TCERG1L: variants seen among roughly 807,000 people sequenced by gnomAD.
TCERG1L encodes the protein transcription elongation regulator 1-like protein.
TCERG1L carries 37 observed loss-of-function variants against 56.3 expected under a neutral mutation model. The ratio of observed to expected loss-of-function variants is 0.66; its 90% confidence interval spans 0.51 to 0.87. TCERG1L has a LOEUF of 0.87. Ranked by LOEUF, TCERG1L falls within the 40% of genes least tolerant of loss-of-function variation. The probability of loss-of-function intolerance (pLI) is 0.00; values close to 1 mark genes in which losing one functional copy is unlikely to be tolerated. For missense variants in TCERG1L, 799 were observed against 774.2 expected, an observed-to-expected ratio of 1.03 and a Z score of -0.38; for synonymous variants, 324 against 326.3, an observed-to-expected ratio of 0.99 and a Z score of 0.08.
chr10:131,299,614 G>A (rs1194867918), intron 3 of TCERG1L, among the ~76,000 whole-genome samples: 1 of 150,182 alleles, frequency 6.7e-6, no homozygotes, highest in Non-Finnish European at 1.5e-5. Context: ...GATGTCCTCT[G>A]TCAATTTGAG....
chr10:131,168,173 C>A (rs937795277), intron 4 of TCERG1L, among the ~76,000 whole-genome samples: 40 of 152,288 alleles, frequency 2.6e-4, no homozygotes, highest in African/African-American at 8.9e-4. Flanking sequence ...CACACAGGTG[C>A]GTATATGCAC....
At chr10:131,242,943 G>C (rs994639546) in intron 4 of TCERG1L, among the ~76,000 whole-genome samples, 1 of 152,190 alleles carries the variant, frequency 6.6e-6, no homozygotes, top group Admixed American at 6.5e-5. Flanking sequence ...TTAGGACTCA[G>C]AAAGTTGAAG....
rs117372267 is a variant in TCERG1L, at chr10:131,247,932, C to T, written c.856+12327G>A. ...CACACACACGCATACACACGACTCA[C>T]ACACAGGTAAACTCACATACACACA... is the stretch of plus-strand genomic sequence containing the variant. On this transcript the variant is annotated intron_variant, in intron 4 of 11. Coordinates refer to ENST00000368642, the MANE Select transcript of TCERG1L (RefSeq NM_174937.4). 1.1e-4 allele frequency among the ~76,000 whole-genome samples: 16 copies of T among 152,032 alleles called. No homozygotes were observed. The East Asian group carries it at 3.1e-3, about 29-fold the overall frequency.
chr10:131,106,597 G>T (rs976038949), intron 9 of TCERG1L, among the ~76,000 whole-genome samples: 3 of 152,142 alleles, frequency 2.0e-5, no homozygotes, highest in Admixed American at 6.5e-5. Context: ...GTGTAGGGCA[G>T]TCTGAGATGT....
intron 3 of TCERG1L, among the ~76,000 whole-genome samples, chr10:131,262,041 C>T (rs77598730): frequency 0.021 from 3,181 of 152,128 alleles, 73 homozygotes; most frequent in East Asian, 0.066. Flanking sequence ...GTGCAGTGTT[C>T]GAGGCACAGC....
chr10:131,162,586 T>C (rs1845990000), intron 6 of TCERG1L: 1 of 152,288 alleles, frequency 6.6e-6, no homozygotes, highest in Non-Finnish European at 1.5e-5. Flanking sequence ...ATCTTCAGGC[T>C]TGAAACTTAA....
At chr10:131,195,465 T>TCCACAGCAGG (rs1279417794) in intron 4 of TCERG1L, among the ~76,000 whole-genome samples, 2 of 152,178 alleles carry the variant, frequency 1.3e-5, no homozygotes, top group Admixed American at 1.3e-4. Flanking sequence ...CTGACGGCTA[T>TCCACAGCAGG]CCACAGCAGG....
chr10:131,195,328 G>T (rs745545591), intron 4 of TCERG1L, among the ~76,000 whole-genome samples: 7 of 152,162 alleles, frequency 4.6e-5, no homozygotes, highest in Non-Finnish European at 8.8e-5. Flanking sequence ...AGAGACAACA[G>T]ACACAGGGGC....
At chr10:131,247,820 C>G (rs1024398895) in intron 4 of TCERG1L, among the ~76,000 whole-genome samples, 1 of 152,176 alleles carries the variant, frequency 6.6e-6, no homozygotes, top group Non-Finnish European at 1.5e-5. Flanking sequence ...CTCTCCCCTG[C>G]CTCCTGCCAT....
At chr10:131,258,562 AC>A (rs1221127287) in intron 4 of TCERG1L, among the ~76,000 whole-genome samples, 3 of 152,218 alleles carry the variant, frequency 2.0e-5, no homozygotes, top group Non-Finnish European at 4.4e-5. Context: ...TGGTATTTCA[AC>A]TTCAACCTGC....
At chr10:131,277,270 G>A (rs1200075458) in intron 3 of TCERG1L, among the ~76,000 whole-genome samples, 7 of 152,180 alleles carry the variant, frequency 4.6e-5, no homozygotes, top group East Asian at 1.9e-4. Flanking sequence ...GTGGATTGGC[G>A]AGGTTCTGGA....
At chr10:131,157,764 C>T (rs368516316) in intron 6 of TCERG1L, among the ~76,000 whole-genome samples, 1 of 152,198 alleles carries the variant, frequency 6.6e-6, no homozygotes, top group South Asian at 2.1e-4. Flanking sequence ...CCGGATTTCA[C>T]CTGGCATGAA....
chr10:131,207,154 CCT>C (rs2133483400), intron 4 of TCERG1L, among the ~76,000 whole-genome samples: 1 of 152,180 alleles, frequency 6.6e-6, no homozygotes, highest in African/African-American at 2.4e-5. Context: ...ACCCCAATCC[CCT>C]CACTTGCCCC....
intron 7 of TCERG1L, 32 bp from the exon 8 acceptor site, chr10:131,134,480 T>A: frequency 6.4e-7 from 1 of 1,560,070 alleles, no homozygotes; most frequent in Non-Finnish European, 8.7e-7. Context: ...AGGGTTAGAG[T>A]TGTCAGAGCT....
chr10:131,106,360 C>A (rs561134096), intron 9 of TCERG1L, among the ~76,000 whole-genome samples: 16 of 152,306 alleles, frequency 1.1e-4, no homozygotes, highest in African/African-American at 3.8e-4. Context: ...AGCAAAGACC[C>A]ACAGCAGCCT....
chr10:131,283,006 C>T (rs572493704), intron 3 of TCERG1L, among the ~76,000 whole-genome samples: 10 of 152,210 alleles, frequency 6.6e-5, no homozygotes, highest in African/African-American at 1.7e-4. Flanking sequence ...TATTGAGTTG[C>T]GTAATTTGAG....
At chr10:131,210,355 C>G (rs191695078) in intron 4 of TCERG1L, among the ~76,000 whole-genome samples, 163 of 152,310 alleles carry the variant, frequency 1.1e-3, no homozygotes, top group African/African-American at 3.9e-3. Context: ...GCCCCCAGGG[C>G]CATCCTTGGC....
At chr10:131,270,644 G>GTTTGCATTGTTAT (rs1454323869) in intron 3 of TCERG1L, among the ~76,000 whole-genome samples, 5 of 152,210 alleles carry the variant, frequency 3.3e-5, no homozygotes, top group Non-Finnish European at 7.3e-5. Context: ...CGTTGCTGGC[G>GTTTGCATTGTTAT]TTTGCATTGT....
intron 10 of TCERG1L, among the ~76,000 whole-genome samples, chr10:131,098,666 G>C (rs1845273911): frequency 6.6e-6 from 1 of 152,172 alleles, no homozygotes; most frequent in Non-Finnish European, 1.5e-5. Flanking sequence ...GCCATTTCTG[G>C]GTCAAACGTG....
Sources: gnomAD v4.1 joint callset for allele counts (sites outside exome capture counted in the v4.1 genomes callset) on GRCh38, gnomAD v4.1.1 for gene constraint, MANE v1.5 for transcripts, NCBI Gene and HGNC (gene_info 2026-07-23, HGNC 2026-07-21) for gene names.